ANAPC5: variants seen among roughly 807,000 people sequenced by gnomAD.
The protein encoded by ANAPC5 is anaphase-promoting complex subunit 5.
Under a neutral mutation model 91.3 loss-of-function variants are expected in ANAPC5, and 60 were observed. The observed-to-expected ratio is 0.66, with a 90% CI of 0.53 to 0.81. ANAPC5 has a LOEUF of 0.81. Among genes scored for constraint, ANAPC5 ranks in the 40% least tolerant of loss-of-function variants. The pLI, the probability that ANAPC5 is intolerant of heterozygous loss-of-function variation, is 0.00. For synonymous variants in ANAPC5, 340 were observed against 364.1 expected (o/e 0.93, Z 0.75); for missense variants, 690 against 931.5 (o/e 0.74, Z 3.37).
At chr12:121,326,662 A>G (rs1555272283) in intron 11 of ANAPC5, 6 of 153,210 alleles carry the variant, frequency 3.9e-5, no homozygotes, top group African/African-American at 1.4e-4. Context: ...AGGGATAACA[A>G]CAAACCTGAG....
intron 4 of ANAPC5, among the ~76,000 whole-genome samples, chr12:121,345,175 G>A (rs1367616102): frequency 1.3e-5 from 2 of 152,152 alleles, no homozygotes; most frequent in African/African-American, 4.8e-5. Context: ...GAGGAATCAA[G>A]GATACTACTG....
Position 121,325,978 on chromosome 12 carries a change from C to T in ANAPC5, c.1440+1118G>A, listed in dbSNP as rs115319479. Among the ~76,000 whole-genome samples, 1,098 of 152,304 alleles carry T rather than the reference C, an allele frequency of 7.2e-3. 11 individuals are homozygous for T. The highest frequency in any genetic ancestry group is 0.025 in the African/African-American group (1,058 of 41,562). On this transcript the variant is annotated intron_variant, in intron 11 of 16. Coordinates refer to ENST00000261819, the MANE Select transcript of ANAPC5 (RefSeq NM_016237.5). ...TGATGTTAAGGAGGTGCCAGTGCCA[C>T]GAAGAGGGAAGAAACAAGCGAGAGA...
At chr12:121,338,536 C>A (rs1903329852) in intron 5 of ANAPC5, among the ~76,000 whole-genome samples, 1 of 151,962 alleles carries the variant, frequency 6.6e-6, no homozygotes. Context: ...TTACAGTGAG[C>A]CGAAATCACG....
chr12:121,308,755 G>T, intron 16 of ANAPC5, 64 bp from the exon 17 acceptor site: 1 of 1,295,876 alleles, frequency 7.7e-7, no homozygotes, highest in Non-Finnish European at 1.1e-6. Flanking sequence ...TTTTCAAAAC[G>T]TGGTATTTAG....
Position 121,352,309 on chromosome 12 carries a change from T to A in ANAPC5, c.32A>T (p.Asn11Ile), listed in dbSNP as rs782003788. 7 of 1,611,540 alleles carry A rather than the reference T, an allele frequency of 4.3e-6. No homozygotes were observed. The Admixed American group carries it at 1.2e-4, about 27-fold the overall frequency. ...CACAACCCCATTGGTCATCATGGGA[T>A]TGAAGTAGAGGCTCTCGTGGACGCT... MASVHESLYF[N>I]PMMTNGVVHA... Residue 11 changes from asparagine to isoleucine, a missense_variant, in exon 1 of 17, where the codon AAT becomes ATT. Asn to Ile is a moderately radical substitution (Grantham distance 149, BLOSUM62 -3). Around this residue, in one of 5 missense-constraint regions of ANAPC5, gnomAD observed 238 missense variants for 264.9 expected, o/e 0.90. Coordinates refer to ENST00000261819, the MANE Select transcript of ANAPC5 (RefSeq NM_016237.5).
chr12:121,328,032 G>A (rs182213979), intron 10 of ANAPC5: 30 of 305,040 alleles, frequency 9.8e-5, no homozygotes, highest in East Asian at 9.3e-4. Context: ...TTGCGATCGC[G>A]GGTAGATCAG....
rs1555274160 is a variant in ANAPC5, at chr12:121,342,078, A to G, written c.591-9T>C. On this transcript the variant is annotated splice_polypyrimidine_tract_variant and intron_variant, in intron 4 of 16. Coordinates refer to ENST00000261819, the MANE Select transcript of ANAPC5 (RefSeq NM_016237.5). This position sits in a 1 kb window ranked among gnomAD's most constrained non-coding sequence, Gnocchi z 4.1. ...AAGATACCTCCTCTTCTCTGGAAAAAATAAAAAAACAAAAATAGTAAAGAA... is the reference window on the plus strand; with the variant it reads ...AAGATACCTCCTCTTCTCTGGAAAAGATAAAAAAACAAAAATAGTAAAGAA... 1 of 1,587,958 alleles carries G rather than the reference A, an allele frequency of 6.3e-7. No homozygotes were observed. The highest frequency in any genetic ancestry group is 8.5e-7 in the Non-Finnish European group (1 of 1,171,898).
At chr12:121,353,306 A>G (rs1555275695), upstream of ANAPC5, among the ~76,000 whole-genome samples, 1 of 152,150 alleles carries the variant, frequency 6.6e-6, no homozygotes, top group African/African-American at 2.4e-5. Context: ...CTCTCCCAAG[A>G]CACTTAGTTC....
At chr12:121,345,506 C>T (rs868988069) in intron 4 of ANAPC5, among the ~76,000 whole-genome samples, 8 of 152,090 alleles carry the variant, frequency 5.3e-5, no homozygotes, top group East Asian at 1.9e-4. Flanking sequence ...TCCTAGTCAC[C>T]GAACCCCCTG....
chr12:121,348,642 G>C (rs1903764737), intron 1 of ANAPC5, among the ~76,000 whole-genome samples: 2 of 152,072 alleles, frequency 1.3e-5, no homozygotes, highest in Non-Finnish European at 2.9e-5. Context: ...TCCAGCCTGG[G>C]CGACAGAGCA....
chr12:121,322,277 G>C (rs1248669616), intron 11 of ANAPC5, among the ~76,000 whole-genome samples: 1 of 151,602 alleles, frequency 6.6e-6, no homozygotes. Flanking sequence ...TCTTGCCTCA[G>C]CCTCCCAAGT....
rs1286676679 is a variant in ANAPC5, at chr12:121,342,486, A to G, written c.591-417T>C. 6.6e-6 allele frequency among the ~76,000 whole-genome samples: 1 copy of G among 152,242 alleles called. No homozygotes were observed. The highest frequency in any genetic ancestry group is 2.4e-5 in the African/African-American group (1 of 41,472). ...TGAGGCCAAAAACCGTAAAACTCTT[A>G]GAAGATCTTCCTTCCACCTGCTAGT... On this transcript the variant is annotated intron_variant, in intron 4 of 16. Coordinates refer to ENST00000261819, the MANE Select transcript of ANAPC5 (RefSeq NM_016237.5). This position sits in a 1 kb window ranked among gnomAD's most constrained non-coding sequence, Gnocchi z 4.1.
chr12:121,330,109 G>A (rs1461305118), intron 9 of ANAPC5, among the ~76,000 whole-genome samples: 1 of 152,076 alleles, frequency 6.6e-6, no homozygotes, highest in Non-Finnish European at 1.5e-5. Flanking sequence ...GATTTTTCAG[G>A]CCACACTTGG....
At position 121,348,999 on chromosome 12, in the gene ANAPC5, T is replaced by A. The variant is rs78375200; in HGVS notation, c.208-1118A>T. 3.7e-3 allele frequency among the ~76,000 whole-genome samples: 564 copies of A among 152,282 alleles called. 5 individuals carry two copies. The highest frequency in any genetic ancestry group is 0.013 in the African/African-American group (538 of 41,544). On this transcript the variant is annotated intron_variant, in intron 1 of 16. Transcript: ENST00000261819. ...ACCATTTGGGGCCTGGCGCAGTGGC[T>A]CACGCCTGTAATACCAGCGCCTTGG...
intron 9 of ANAPC5, among the ~76,000 whole-genome samples, chr12:121,330,163 G>A (rs1555272736): frequency 6.6e-6 from 1 of 151,198 alleles, no homozygotes; most frequent in African/African-American, 2.4e-5. Context: ...TTTTTTTTCT[G>A]CAATCACTTA....
intron 8 of ANAPC5, 61 bp from the exon 9 acceptor site, chr12:121,330,733 A>G: frequency 7.4e-7 from 1 of 1,346,226 alleles, no homozygotes; most frequent in Non-Finnish European, 1.1e-6. Flanking sequence ...TTCTAGTGAA[A>G]TATCAATGTG....
Position 121,346,374 on chromosome 12 carries a change from T to C in ANAPC5, c.398-343A>G, listed in dbSNP as rs1903667789. 3 of 203,292 alleles carry C rather than the reference T, an allele frequency of 1.5e-5. No individual in the cohort carries two copies. In the South Asian group the frequency reaches 4.8e-4, roughly 33 times the overall value. The allele number at this position is 203,292 out of a possible 1,614,324, so 12.6% of individuals were successfully genotyped here. On this transcript the variant is annotated intron_variant, in intron 3 of 16. Coordinates refer to ENST00000261819, the MANE Select transcript of ANAPC5 (RefSeq NM_016237.5). ...GTAATCTCCATAAGAGGAAATTCCA[T>C]GTCTATCTTACACGTCCAGAGCCTG...
In ANAPC5 at chr12:121,335,567, T is replaced by G; in HGVS notation, c.916A>C (p.Asn306His). 6.2e-7 allele frequency: 1 copy of G among 1,613,048 alleles called. No individual in the cohort carries two copies. Among genetic ancestry groups the G allele is most frequent in the Non-Finnish European group, 8.5e-7 (1 of 1,179,102 alleles). The stretch of plus-strand genomic sequence containing the variant: ...AAGCGGCAGTGCAGGGCGGCAAGAT[T>G]CAGAGCGGCGTATCTCAAGCTCCGG... ...YGRSLRYAAL[N>H]LAALHCRFGH... is the part of the protein sequence containing the mutation. Residue 306 changes from asparagine (N) to histidine (H), a missense_variant, in exon 7 of 17, where the codon AAT becomes CAT. Around this residue, in one of 5 missense-constraint regions of ANAPC5, gnomAD observed 83 missense variants for 150.8 expected, o/e 0.55. Coordinates refer to ENST00000261819, the MANE Select transcript of ANAPC5 (RefSeq NM_016237.5).
intron 15 of ANAPC5, among the ~76,000 whole-genome samples, chr12:121,314,953 A>T (rs1461089140): frequency 1.3e-5 from 2 of 152,108 alleles, no homozygotes; most frequent in Non-Finnish European, 2.9e-5. Flanking sequence ...TTTATTCAAC[A>T]TGTATTGGAA....
Sources: allele counts gnomAD v4.1 joint callset (sites outside exome capture counted in the v4.1 genomes callset), GRCh38; gene constraint gnomAD v4.1.1; regional missense constraint gnomAD v4.1.1; non-coding constraint Gnocchi (gnomAD v3.1); transcripts MANE v1.5; gene names NCBI Gene and HGNC (gene_info 2026-07-23, HGNC 2026-07-21).